The following TBC1D7 variants were observed in gnomAD, a reference collection of about 807,000 sequenced individuals.
TBC1D7 encodes TBC domain family 7.
In TBC1D7, 33 loss-of-function variants were observed where a neutral mutation model predicts 35.3. The observed-to-expected ratio is 0.93, with a 90% CI of 0.71 to 1.25. The LOEUF (loss-of-function observed/expected upper bound fraction) is 1.25. TBC1D7 is among the 50% of genes most tolerant of loss of function. The pLI, the probability that TBC1D7 is intolerant of heterozygous loss-of-function variation, is 0.00. For missense variants in TBC1D7, 362 were observed against 365.3 expected (o/e 0.99, Z 0.07); for synonymous variants, 135 against 129.5 (o/e 1.04, Z -0.29).
chr6:13,311,341 T>C (rs1783195045), intron 5 of TBC1D7, among the ~76,000 whole-genome samples: 6 of 152,164 alleles, frequency 3.9e-5, no homozygotes, highest in Admixed American at 3.9e-4. Context: ...TTGAAAAGCT[T>C]GTAAGGAGAG....
At chr6:13,317,962 CT>C (rs1331682495) in intron 4 of TBC1D7, 1 of 152,308 alleles carries the variant, frequency 6.6e-6, no homozygotes, top group African/African-American at 2.4e-5. Context: ...TAAGAGGTGA[CT>C]GGATCATGAG....
chr6:13,318,192 T>A (rs1385921922), intron 4 of TBC1D7: 1 of 152,316 alleles, frequency 6.6e-6, no homozygotes, highest in Non-Finnish European at 1.5e-5. Context: ...ACTTCCCAGC[T>A]TCTAGAATTG....
intron 4 of TBC1D7, chr6:13,319,030 T>C (rs1224963940): frequency 6.6e-6 from 1 of 152,230 alleles, no homozygotes; most frequent in Non-Finnish European, 1.5e-5. Flanking sequence ...ATGAGTCCCA[T>C]ACTTCTGTGA....
chr6:13,312,734 A>T (rs1357270284), intron 5 of TBC1D7, among the ~76,000 whole-genome samples: 1 of 150,072 alleles, frequency 6.7e-6, no homozygotes, highest in Non-Finnish European at 1.5e-5. Flanking sequence ...AAAAATATAT[A>T]TTTTTTTAAT....
At chr6:13,317,733 C>T (rs1214073178) in intron 4 of TBC1D7, among the ~76,000 whole-genome samples, 6 of 152,250 alleles carry the variant, frequency 3.9e-5, no homozygotes, top group African/African-American at 1.4e-4. Flanking sequence ...CGAAAGGTGG[C>T]ATATCACTGA....
At position 13,306,725 on chromosome 6, in the gene TBC1D7, T is replaced by C. The variant is rs113735499; in HGVS notation, c.666-198A>G. 2,492 of 354,908 alleles carry C rather than the reference T, an allele frequency of 7.0e-3. 58 individuals carry two copies. Among genetic ancestry groups the C allele is most frequent in the African/African-American group, 0.048 (2,271 of 47,366 alleles). The allele number at this position is 354,908 out of a possible 1,614,324, so 22.0% of individuals were successfully genotyped here. A position where few individuals can be genotyped will look rare whatever the true frequency, so the allele number is the denominator to read the frequency against. Reference sequence around the variant, plus strand: ...AATCTATTCTAGATACAATCAGCACTAGAAGGAGAAAGGAAAGTTTACTAA... The same window carrying C: ...AATCTATTCTAGATACAATCAGCACCAGAAGGAGAAAGGAAAGTTTACTAA... On this transcript the variant is annotated intron_variant, in intron 6 of 7. Transcript: ENST00000379300.
chr6:13,313,111 T>C (rs1419636353), intron 5 of TBC1D7, among the ~76,000 whole-genome samples: 1 of 152,226 alleles, frequency 6.6e-6, no homozygotes, highest in Non-Finnish European at 1.5e-5. Context: ...GTGTAGGTTA[T>C]ATGCAAATAC....
Position 13,320,930 on chromosome 6 carries a change from G to A in TBC1D7, c.359C>T (p.Pro120Leu), listed in dbSNP as rs573737052. ...AACCAGTGGAAAAGAGGGACTTCGAGGTAACTTCCCAGACTCCAGCTGATA... is the reference window on the plus strand; with the variant it reads ...AACCAGTGGAAAAGAGGGACTTCGAAGTAACTTCCCAGACTCCAGCTGATA... ...RMYQLESGKL[P>L]RSPSFPLEPD... Residue 120 changes from proline to leucine, a missense_variant, in exon 4 of 8, where the codon CCT becomes CTT. By Grantham distance (98) the Pro-to-Leu change is moderately conservative (BLOSUM62 -3). Coordinates refer to ENST00000379300, the MANE Select transcript of TBC1D7 (RefSeq NM_016495.6). 8 of 1,614,130 alleles carry A rather than the reference G, an allele frequency of 5.0e-6. No individual in the cohort carries two copies. The East Asian group carries it at 8.9e-5, about 18-fold the overall frequency.
intron 4 of TBC1D7, among the ~76,000 whole-genome samples, chr6:13,317,429 T>C (rs1465619780): frequency 6.6e-6 from 1 of 152,212 alleles, no homozygotes; most frequent in Non-Finnish European, 1.5e-5. Flanking sequence ...ATTTAATAGC[T>C]GAAGGATTTT....
At chr6:13,319,720 T>C (rs996207984) in intron 4 of TBC1D7, 1 of 152,152 alleles carries the variant, frequency 6.6e-6, no homozygotes, top group African/African-American at 2.4e-5. Context: ...TGCACTATTT[T>C]TGCAACTTTT....
Position 13,305,171 on chromosome 6 carries a change from G to A in TBC1D7, c.812C>T (p.Ser271Leu). 1 of 1,614,208 alleles carries A rather than the reference G, an allele frequency of 6.2e-7. No homozygotes were observed. ...KFLENIPQDS[S>L]DAIVSKAIDL... ...AATGGCCTTGCTCACGATCGCGTCT[G>A]AGCTGTCCTGGGGAATCTGTGGGCA... The change falls in exon 8 of 8, where the codon TCA becomes TTA. Residue 271 changes from serine (S) to leucine (L), a missense_variant. Transcript: ENST00000379300.
intron 6 of TBC1D7, 94 bp from the exon 7 acceptor site, chr6:13,306,621 C>A: frequency 9.7e-7 from 1 of 1,031,164 alleles, no homozygotes; most frequent in Non-Finnish European, 1.3e-6. Flanking sequence ...CAAATTGCTC[C>A]AATTTTATGT....
chr6:13,323,049 T>C (rs1011669939), intron 3 of TBC1D7, among the ~76,000 whole-genome samples: 2 of 152,034 alleles, frequency 1.3e-5, no homozygotes, highest in African/African-American at 4.8e-5. Flanking sequence ...AAAAAATAAC[T>C]ATGACATGAT....
chr6:13,309,007 C>T (rs1783004797), intron 5 of TBC1D7, among the ~76,000 whole-genome samples: 1 of 152,186 alleles, frequency 6.6e-6, no homozygotes, highest in Non-Finnish European at 1.5e-5. Context: ...AGGAGTTAGC[C>T]AGGCAAAGAG....
At chr6:13,311,024 C>T (rs1265112057) in intron 5 of TBC1D7, among the ~76,000 whole-genome samples, 1 of 152,104 alleles carries the variant, frequency 6.6e-6, no homozygotes, top group Admixed American at 6.6e-5. Flanking sequence ...CATAGTCTTA[C>T]TTCATGAGGA....
intron 5 of TBC1D7, among the ~76,000 whole-genome samples, chr6:13,311,192 TAA>T (rs1783186185): frequency 6.6e-6 from 1 of 152,144 alleles, no homozygotes; most frequent in South Asian, 2.1e-4. Flanking sequence ...TCAATAGCAA[TAA>T]AACAAAGATC....
chr6:13,325,888 C>G (rs1373643457), intron 2 of TBC1D7, among the ~76,000 whole-genome samples: 1 of 152,160 alleles, frequency 6.6e-6, no homozygotes, highest in Non-Finnish European at 1.5e-5. Context: ...TACAGTCTGC[C>G]TTCAAATCCC....
chr6:13,305,444 T>C (rs758181094), intron 7 of TBC1D7, among the ~76,000 whole-genome samples: 37 of 152,146 alleles, frequency 2.4e-4, no homozygotes, highest in Non-Finnish European at 3.8e-4. Context: ...GGGTTTCAGA[T>C]CCCCATCTCT....
chr6:13,325,096 A>G lies in TBC1D7; in HGVS notation c.191T>C (p.Leu64Pro). The change falls in exon 3 of 8, where the codon CTA becomes CCA. Residue 64 changes from leucine to proline, a missense_variant and splice_region_variant. Coordinates refer to ENST00000379300, the MANE Select transcript of TBC1D7 (RefSeq NM_016495.6). ...CTTCCAACTCCTGGGTCTCATACCT[A>G]GAAGCACCTTCCATACCAATGCACG... is the stretch of plus-strand genomic sequence containing the variant. Reference protein sequence around the residue: ...MYRALVWKVLLGILPPHHESH... With the variant: ...MYRALVWKVLPGILPPHHESH... The G allele has an allele frequency of 6.2e-7, 1 of 1,609,902 alleles. No individual in the cohort carries two copies. Among genetic ancestry groups the G allele is most frequent in the Non-Finnish European group, 8.5e-7 (1 of 1,177,892 alleles).
Sources: gnomAD v4.1 joint callset for allele counts (sites outside exome capture counted in the v4.1 genomes callset) on GRCh38, gnomAD v4.1.1 for gene constraint, MANE v1.5 for transcripts, NCBI Gene and HGNC (gene_info 2026-07-23, HGNC 2026-07-21) for gene names.